Variants in PEAK1 observed in about 807,000 individuals in gnomAD.
PEAK1 encodes pseudopodium enriched atypical kinase 1, also known as inactive tyrosine-protein kinase PEAK1.
PEAK1 carries 54 observed loss-of-function variants against 124.7 expected under a neutral mutation model. That is an observed-to-expected ratio of 0.43 (90% CI 0.35 to 0.54). The LOEUF (loss-of-function observed/expected upper bound fraction) is 0.54. PEAK1 is among the 20% of genes least tolerant of loss of function. PEAK1 has a pLI of 0.01. For synonymous variants in PEAK1, 719 were observed against 760.0 expected (o/e 0.95, Z 0.89); for missense variants, 2,046 against 2,134.5 (o/e 0.96, Z 0.82).
rs56388121 is a variant in PEAK1 at position 77,179,419 on chromosome 15, G to C, written c.2508C>G (p.Asp836Glu). 6.6e-4 allele frequency: 1,070 copies of C among 1,614,068 alleles called. 1 individual carries two copies. Among genetic ancestry groups the C allele is most frequent in the Admixed American group, 8.3e-4 (50 of 60,004 alleles). Residue 836 changes from aspartate (D) to glutamate (E), a missense_variant, in exon 7 of 10, where the codon GAC becomes GAG. Coordinates refer to ENST00000682557, the MANE Select transcript of PEAK1 (RefSeq NM_001385026.1). ...SGEAEAPQTT[D>E]SPTTKVQKDP... is the part of the protein sequence containing the mutation. Reference sequence around the variant, plus strand: ...CTTTCTGTACTTTGGTGGTAGGACTGTCTGTGGTCTGAGGTGCTTCAGCCT... The same window carrying C: ...CTTTCTGTACTTTGGTGGTAGGACTCTCTGTGGTCTGAGGTGCTTCAGCCT...
chr15:77,150,450 C>G (rs1265440901), intron 8 of PEAK1, among the ~76,000 whole-genome samples: 1 of 151,890 alleles, frequency 6.6e-6, no homozygotes, highest in African/African-American at 2.4e-5. Context: ...AGAGGCAATG[C>G]TTTATTTTTT....
intron 1 of PEAK1, among the ~76,000 whole-genome samples, chr15:77,407,830 G>T (rs749997043): frequency 6.6e-6 from 1 of 151,270 alleles, no homozygotes; most frequent in African/African-American, 2.4e-5. Context: ...AGTACAATTC[G>T]CAATTGCAAA....
At chr15:77,257,921 G>C (rs1235859845) in intron 5 of PEAK1, among the ~76,000 whole-genome samples, 1 of 152,132 alleles carries the variant, frequency 6.6e-6, no homozygotes, top group Non-Finnish European at 1.5e-5. Flanking sequence ...GTAAGGAAGG[G>C]ATCCAGTTTC....
chr15:77,149,355 A>C (rs2054406550), intron 8 of PEAK1, among the ~76,000 whole-genome samples: 1 of 152,220 alleles, frequency 6.6e-6, no homozygotes, highest in South Asian at 2.1e-4. Context: ...AAGAAAAGAA[A>C]AAAGAGAAAG....
At chr15:77,118,461 A>G (rs2051597005) in intron 9 of PEAK1, among the ~76,000 whole-genome samples, 1 of 152,184 alleles carries the variant, frequency 6.6e-6, no homozygotes, top group Non-Finnish European at 1.5e-5. Context: ...TCAGATAACA[A>G]ATTTCTAGTT....
At chr15:77,301,153 A>G (rs2063764580) in intron 2 of PEAK1, among the ~76,000 whole-genome samples, 1 of 152,216 alleles carries the variant, frequency 6.6e-6, no homozygotes, top group Admixed American at 6.5e-5. Context: ...TCAAGTAATT[A>G]GCAGGGCTGC....
At chr15:77,150,631 T>C (rs995515587) in intron 8 of PEAK1, among the ~76,000 whole-genome samples, 1 of 151,702 alleles carries the variant, frequency 6.6e-6, no homozygotes, top group East Asian at 1.9e-4. Context: ...CATTTAACAT[T>C]AGGTATATCT....
intron 1 of PEAK1, chr15:77,418,025 A>C: frequency 1.0e-6 from 1 of 978,910 alleles, no homozygotes; most frequent in Non-Finnish European, 1.2e-6. Flanking sequence ...TTTTAATGTG[A>C]TTGTCGGCAA....
intron 6 of PEAK1, among the ~76,000 whole-genome samples, chr15:77,219,451 G>T (rs1313682833): frequency 6.6e-6 from 1 of 152,034 alleles, no homozygotes; most frequent in Non-Finnish European, 1.5e-5. Flanking sequence ...AGTTAATTTG[G>T]TAAACAACAG....
chr15:77,285,715 CA>C (rs1216939204), intron 3 of PEAK1, among the ~76,000 whole-genome samples: 2 of 152,012 alleles, frequency 1.3e-5, no homozygotes, highest in Non-Finnish European at 2.9e-5. Context: ...TCCCCTATGT[CA>C]TTTTTTTTTA....
chr15:77,278,299 C>T (rs2062448092), intron 5 of PEAK1, among the ~76,000 whole-genome samples: 1 of 152,022 alleles, frequency 6.6e-6, no homozygotes, highest in African/African-American at 2.4e-5. Context: ...CTAATACACA[C>T]AACATATGAA....
chr15:77,267,749 A>G (rs1015483182), intron 5 of PEAK1, among the ~76,000 whole-genome samples: 3 of 152,188 alleles, frequency 2.0e-5, no homozygotes, highest in Non-Finnish European at 4.4e-5. Context: ...TTGATATAGT[A>G]TACCCGAATA....
chr15:77,374,933 A>G (rs2068894784), intron 1 of PEAK1, among the ~76,000 whole-genome samples: 1 of 152,200 alleles, frequency 6.6e-6, no homozygotes, highest in Non-Finnish European at 1.5e-5. Flanking sequence ...ACAAATTAAG[A>G]AAAACCATTC....
At chr15:77,376,558 T>G (rs551114130) in intron 1 of PEAK1, among the ~76,000 whole-genome samples, 2 of 152,272 alleles carry the variant, frequency 1.3e-5, no homozygotes, top group East Asian at 3.9e-4. Flanking sequence ...CTGAACAGCC[T>G]CTTTCTGGAA....
chr15:77,162,412 T>G (rs1001681516), intron 7 of PEAK1, among the ~76,000 whole-genome samples: 3 of 146,046 alleles, frequency 2.1e-5, no homozygotes, highest in African/African-American at 7.7e-5. Context: ...AAGAATCGCT[T>G]GAACCTGGGA....
At chr15:77,396,207 T>C (rs1021530540) in intron 1 of PEAK1, among the ~76,000 whole-genome samples, 2 of 152,034 alleles carry the variant, frequency 1.3e-5, no homozygotes, top group Non-Finnish European at 2.9e-5. Flanking sequence ...GGTAGATAGC[T>C]AGATAGATAT....
intron 8 of PEAK1, among the ~76,000 whole-genome samples, chr15:77,134,424 A>C (rs141014555): frequency 4.8e-3 from 737 of 152,366 alleles, no homozygotes; most frequent in Non-Finnish European, 8.2e-3. Flanking sequence ...GTATATGAGC[A>C]GTCAACTTCT....
At chr15:77,119,920 T>C (rs2051755096) in intron 9 of PEAK1, among the ~76,000 whole-genome samples, 3 of 152,204 alleles carry the variant, frequency 2.0e-5, no homozygotes, top group African/African-American at 7.2e-5. Context: ...GGGGAGAAGA[T>C]AGTGCTGTCT....
rs188176952 is a variant in PEAK1, at chr15:77,229,520, G to A, written c.-115+22847C>T. On this transcript the variant is annotated intron_variant, in intron 6 of 9. Transcript: ENST00000682557. The stretch of plus-strand genomic sequence containing the variant: ...TTTACTTTAGGGTCCCCATGCATGA[G>A]GCTCAGCTCAAGTCCTCTCCTCTCC... Among the ~76,000 whole-genome samples the A allele has an allele frequency of 1.1e-3, 168 of 152,242 alleles. 2 individuals are homozygous for A. Among genetic ancestry groups the A allele is most frequent in the Admixed American group, 0.01 (154 of 15,300 alleles).
Sources: allele counts gnomAD v4.1 joint callset (sites outside exome capture counted in the v4.1 genomes callset), GRCh38; gene constraint gnomAD v4.1.1; transcripts MANE v1.5; gene names NCBI Gene and HGNC (gene_info 2026-07-23, HGNC 2026-07-21).